The following CTNNA3 variants were observed in gnomAD, a reference collection of about 807,000 sequenced individuals.
CTNNA3 encodes the protein catenin alpha 3, also known as catenin alpha-3.
In CTNNA3, 76 loss-of-function variants were observed where a neutral mutation model predicts 95.7. The observed-to-expected ratio is 0.79, with a 90% CI of 0.66 to 0.96. The LOEUF (loss-of-function observed/expected upper bound fraction) is 0.96. Ranked by LOEUF, CTNNA3 falls within the 40% of genes least tolerant of loss-of-function variation. The pLI is 0.00. For synonymous variants in CTNNA3, 431 were observed against 374.4 expected (o/e 1.15, Z -1.74); for missense variants, 1,191 against 1,089.8 (o/e 1.09, Z -1.31).
intron 1 of CTNNA3, among the ~76,000 whole-genome samples, chr10:67,726,768 CAT>C (rs1332166932): frequency 1.0e-4 from 5 of 48,174 alleles, no homozygotes; most frequent in Non-Finnish European, 2.1e-4. Flanking sequence ...GAATATGACA[CAT>C]ATATCATATA....
chr10:66,700,528 C>T (rs1425108300), intron 9 of CTNNA3, among the ~76,000 whole-genome samples: 1 of 152,122 alleles, frequency 6.6e-6, no homozygotes, highest in Non-Finnish European at 1.5e-5. Context: ...TGTTTGGTTA[C>T]TATTACTTTG....
chr10:66,868,750 CAA>C (rs34594360), intron 7 of CTNNA3, among the ~76,000 whole-genome samples: 38,802 of 130,448 alleles, frequency 0.3, 6,448 homozygotes, highest in African/African-American at 0.52. Flanking sequence ...GACTCCGTCT[CAA>C]AAAAAAAAAA....
chr10:67,412,380 C>T (rs2132842536), intron 5 of CTNNA3, among the ~76,000 whole-genome samples: 1 of 152,122 alleles, frequency 6.6e-6, no homozygotes, highest in Non-Finnish European at 1.5e-5. Context: ...ATATATGATT[C>T]ATCAGCATTC....
chr10:67,285,799 T>C (rs954412888), intron 5 of CTNNA3, among the ~76,000 whole-genome samples: 1 of 152,236 alleles, frequency 6.6e-6, no homozygotes, highest in East Asian at 1.9e-4. Flanking sequence ...GAAATGTGTT[T>C]GATTTTTGTG....
chr10:67,344,610 C>G (rs1465137634), intron 5 of CTNNA3, among the ~76,000 whole-genome samples: 3 of 152,000 alleles, frequency 2.0e-5, no homozygotes, highest in Non-Finnish European at 4.4e-5. Flanking sequence ...TCCATTTCTT[C>G]TAGATTGTTT....
At position 67,483,774 on chromosome 10, in the gene CTNNA3, ATT is replaced by A. The variant is rs1564682781; in HGVS notation, c.579+38066_579+38067del. ...AAAGTATAATAATAAAAAAATAAAA[ATT>A]AAAAAAAAAAACAAAAAAAAAACAA... On this transcript the variant is annotated intron_variant, in intron 5 of 17. Coordinates refer to ENST00000433211, the MANE Select transcript of CTNNA3 (RefSeq NM_013266.4). Among the ~76,000 whole-genome samples, 394 of 145,820 alleles carry A rather than the reference ATT, an allele frequency of 2.7e-3. 2 individuals are homozygous for A. Among genetic ancestry groups the A allele is most frequent in the African/African-American group, 9.8e-3 (380 of 38,762 alleles).
intron 14 of CTNNA3, among the ~76,000 whole-genome samples, chr10:66,078,242 T>C (rs1256250789): frequency 6.6e-6 from 1 of 151,916 alleles, no homozygotes; most frequent in Non-Finnish European, 1.5e-5. Flanking sequence ...CACAAGATGA[T>C]CTTGCAGTTA....
At chr10:67,087,880 T>C (rs1589720793) in intron 7 of CTNNA3, among the ~76,000 whole-genome samples, 2 of 152,190 alleles carry the variant, frequency 1.3e-5, no homozygotes, top group East Asian at 1.9e-4. Flanking sequence ...AATACACATA[T>C]AGTGCTTAAT....
intron 13 of CTNNA3, among the ~76,000 whole-genome samples, chr10:66,275,411 T>C (rs1175724613): frequency 6.6e-6 from 1 of 152,212 alleles, no homozygotes; most frequent in Non-Finnish European, 1.5e-5. Context: ...TGGCCCTAAT[T>C]TGCATTTGAA....
chr10:67,083,669 T>A (rs1857160435), intron 7 of CTNNA3, among the ~76,000 whole-genome samples: 1 of 152,172 alleles, frequency 6.6e-6, no homozygotes, highest in Non-Finnish European at 1.5e-5. Context: ...ACCATGTGGC[T>A]TTCCCTCTAC....
At chr10:66,075,047 A>G (rs185003469) in intron 14 of CTNNA3, among the ~76,000 whole-genome samples, 58 of 151,898 alleles carry the variant, frequency 3.8e-4, no homozygotes, top group African/African-American at 1.3e-3. Context: ...CAGATCTTAG[A>G]TTCATTTCTC....
At chr10:66,031,071 G>C (rs1053037888) in intron 15 of CTNNA3, among the ~76,000 whole-genome samples, 4 of 152,150 alleles carry the variant, frequency 2.6e-5, no homozygotes, top group African/African-American at 9.7e-5. Context: ...TGGTGGTGAG[G>C]ATGTAGAGAA....
At chr10:66,344,965 T>G (rs561185151) in intron 12 of CTNNA3, among the ~76,000 whole-genome samples, 1 of 152,234 alleles carries the variant, frequency 6.6e-6, no homozygotes, top group South Asian at 2.1e-4. Flanking sequence ...ATTAACTATA[T>G]TTAATTTAAT....
chr10:67,593,066 G>A (rs1293966009), intron 3 of CTNNA3, among the ~76,000 whole-genome samples: 1 of 152,158 alleles, frequency 6.6e-6, no homozygotes, highest in African/African-American at 2.4e-5. Flanking sequence ...GAGAAGATGT[G>A]ATATTTGGTT....
intron 13 of CTNNA3, among the ~76,000 whole-genome samples, chr10:66,191,912 C>G (rs1286435522): frequency 6.6e-6 from 1 of 152,120 alleles, no homozygotes; most frequent in Admixed American, 6.6e-5. Flanking sequence ...GAATTAATGT[C>G]ATTATCACAG....
rs918405673 is a variant in CTNNA3, at chr10:67,304,044, C to T, written c.580-84174G>A. ...TTTCAGCTAGACAAACTGCTCTAGCCTCCTCCTTGTTCTTAGTTCTATACT... is the reference window on the plus strand; with the variant it reads ...TTTCAGCTAGACAAACTGCTCTAGCTTCCTCCTTGTTCTTAGTTCTATACT... On this transcript the variant is annotated intron_variant, in intron 5 of 17. Transcript: ENST00000433211. 2.0e-5 allele frequency among the ~76,000 whole-genome samples: 3 copies of T among 152,148 alleles called. No individual in the cohort carries two copies. In the South Asian group the frequency reaches 6.2e-4, roughly 31 times the overall value.
chr10:67,497,685 G>A (rs750612856), intron 5 of CTNNA3, among the ~76,000 whole-genome samples: 4 of 152,204 alleles, frequency 2.6e-5, no homozygotes, highest in African/African-American at 9.7e-5. Flanking sequence ...AATGACCACT[G>A]ATGATGAGCT....
intron 1 of CTNNA3, among the ~76,000 whole-genome samples, chr10:67,732,979 G>A (rs1390263744): frequency 2.6e-5 from 4 of 151,886 alleles, no homozygotes; most frequent in African/African-American, 9.7e-5. Context: ...AAAATACAGA[G>A]CAAACACACC....
At chr10:67,723,257 G>A (rs1376763432) in intron 1 of CTNNA3, among the ~76,000 whole-genome samples, 1 of 151,442 alleles carries the variant, frequency 6.6e-6, no homozygotes, top group Non-Finnish European at 1.5e-5. Flanking sequence ...AAAGTGCTGG[G>A]ATTATAGGCA....
Sources: gnomAD v4.1 joint callset for allele counts (sites outside exome capture counted in the v4.1 genomes callset) on GRCh38, gnomAD v4.1.1 for gene constraint, MANE v1.5 for transcripts, NCBI Gene and HGNC (gene_info 2026-07-23, HGNC 2026-07-21) for gene names.